TLL2: variants seen among roughly 807,000 people sequenced by gnomAD.
TLL2 encodes the protein tolloid-like protein 2.
TLL2 carries 106 observed loss-of-function variants against 123.0 expected under a neutral mutation model. The observed-to-expected ratio is 0.86, with a 90% CI of 0.74 to 1.01. The LOEUF is 1.01. TLL2 is among the 50% of genes least tolerant of loss of function. TLL2 has a pLI of 0.00. For synonymous variants in TLL2, 494 were observed against 516.8 expected (o/e 0.96, Z 0.60); for missense variants, 1,332 against 1,336.7 (o/e 1.00, Z 0.06).
In TLL2 at chr10:96,376,582, G is replaced by A. The variant is rs1445476379; in HGVS notation, c.2448+110C>T. ...GATAATGAAACTGAGACCTGGAAAT[G>A]TTGAGTAACTTCCAAGTTACAGAGC... On this transcript the variant is annotated intron_variant, in intron 18 of 20. Transcript: ENST00000357947. 2.5e-6 allele frequency: 3 copies of A among 1,202,482 alleles called. No homozygotes were observed. The African/African-American group carries it at 4.7e-5, about 19-fold the overall frequency. The allele number at this position is 1,202,482 out of a possible 1,614,324, so 74.5% of individuals were successfully genotyped here.
intron 3 of TLL2, among the ~76,000 whole-genome samples, chr10:96,439,859 CT>C (rs1564907724): frequency 6.6e-6 from 1 of 152,214 alleles, no homozygotes; most frequent in African/African-American, 2.4e-5. Context: ...GGCCTGGACA[CT>C]TTTGGCCCAC....
intron 1 of TLL2, among the ~76,000 whole-genome samples, chr10:96,490,719 G>A (rs1437520930): frequency 6.6e-6 from 1 of 152,172 alleles, no homozygotes; most frequent in Non-Finnish European, 1.5e-5. Context: ...GAAAGGCAAA[G>A]AGAAGACTTT....
At chr10:96,433,636 C>T (rs1421062712) in intron 3 of TLL2, among the ~76,000 whole-genome samples, 1 of 152,154 alleles carries the variant, frequency 6.6e-6, no homozygotes, top group African/African-American at 2.4e-5. Context: ...ATTTCATTCA[C>T]CAGTCAGATA....
Position 96,366,576 on chromosome 10 carries a change from GAC to G in TLL2, c.*1510_*1511del, listed in dbSNP as rs1211847008. 1 of 152,440 alleles carries G rather than the reference GAC, an allele frequency of 6.6e-6. No individual in the cohort carries two copies. The highest frequency in any genetic ancestry group is 2.4e-5 in the African/African-American group (1 of 41,386). 9.4% of individuals were successfully genotyped at this position (152,440 alleles called of 1,614,324 possible). A position where few individuals can be genotyped will look rare whatever the true frequency, so the allele number is the denominator to read the frequency against. ...TTGCTCCCAGCAATCACTTTAATGA[GAC>G]ACAGTCCTCTGGTGCCACATTCTGA... On this transcript the variant is annotated 3_prime_UTR_variant, in exon 21 of 21. Coordinates refer to ENST00000357947, the MANE Select transcript of TLL2 (RefSeq NM_012465.4).
intron 19 of TLL2, among the ~76,000 whole-genome samples, chr10:96,372,924 A>C (rs1846097757): frequency 6.6e-6 from 1 of 152,124 alleles, no homozygotes; most frequent in Non-Finnish European, 1.5e-5. Context: ...TCCTGGGCTC[A>C]AGCAATCCTC....
chr10:96,467,033 G>A (rs1847138618), intron 2 of TLL2, among the ~76,000 whole-genome samples: 2 of 152,300 alleles, frequency 1.3e-5, no homozygotes, highest in South Asian at 4.1e-4. Context: ...TCATTATCAT[G>A]CCCAGTAAGA....
intron 20 of TLL2, among the ~76,000 whole-genome samples, chr10:96,369,000 A>G (rs1846053585): frequency 6.6e-6 from 1 of 152,244 alleles, no homozygotes. Context: ...AGATGAAGGG[A>G]ATTATTCAAA....
intron 2 of TLL2, among the ~76,000 whole-genome samples, chr10:96,471,831 G>A (rs1432138669): frequency 6.6e-6 from 1 of 152,096 alleles, no homozygotes; most frequent in African/African-American, 2.4e-5. Context: ...AGACAGGACT[G>A]GGGTCAGAAT....
intron 10 of TLL2, 28 bp from the exon 11 acceptor site, chr10:96,397,330 G>A: frequency 2.5e-6 from 4 of 1,579,684 alleles, no homozygotes; most frequent in Non-Finnish European, 3.5e-6. Flanking sequence ...AAGCAGTTAG[G>A]AGCCCTGGGG....
chr10:96,475,078 T>A (rs1290750933), intron 2 of TLL2, among the ~76,000 whole-genome samples: 1 of 152,202 alleles, frequency 6.6e-6, no homozygotes, highest in Non-Finnish European at 1.5e-5. Flanking sequence ...CAAATAAGAT[T>A]ACATTCTGAG....
intron 1 of TLL2, among the ~76,000 whole-genome samples, chr10:96,482,454 C>T (rs1364268759): frequency 6.6e-6 from 1 of 152,144 alleles, no homozygotes; most frequent in Non-Finnish European, 1.5e-5. Context: ...AATGGATGAA[C>T]ACAACGTGGC....
intron 4 of TLL2, among the ~76,000 whole-genome samples, chr10:96,429,066 G>C (rs1369445826): frequency 1.3e-5 from 2 of 152,032 alleles, no homozygotes. Context: ...GCCTCCCAAA[G>C]TGCTGGGATT....
intron 2 of TLL2, among the ~76,000 whole-genome samples, chr10:96,464,889 C>T (rs1564912508): frequency 6.6e-6 from 1 of 152,218 alleles, no homozygotes; most frequent in Non-Finnish European, 1.5e-5. Context: ...GGGTTGCCTA[C>T]ACTCAGGGAT....
intron 1 of TLL2, among the ~76,000 whole-genome samples, chr10:96,492,008 G>A (rs181553845): frequency 1.3e-5 from 2 of 152,242 alleles, no homozygotes; most frequent in East Asian, 3.9e-4. Context: ...ACCATGATCT[G>A]AGCCTTGCAG....
At chr10:96,457,844 A>C (rs1312813391) in intron 2 of TLL2, among the ~76,000 whole-genome samples, 1 of 152,212 alleles carries the variant, frequency 6.6e-6, no homozygotes, top group Non-Finnish European at 1.5e-5. Flanking sequence ...TAAAAGCCTA[A>C]GAGGAAGATT....
chr10:96,485,257 A>T (rs926427464), intron 1 of TLL2, among the ~76,000 whole-genome samples: 2 of 152,246 alleles, frequency 1.3e-5, no homozygotes, highest in Non-Finnish European at 2.9e-5. Flanking sequence ...AAGCATGAGC[A>T]ACAAAAGAAA....
chr10:96,386,957 A>T lies in TLL2; in HGVS notation c.1848T>A (p.Cys616Ter). The change falls in exon 14 of 21, where the codon TGT (cysteine) becomes TGA (stop). Residue 616 changes from cysteine to a stop codon, truncating the protein, a stop_gained. Coordinates refer to ENST00000357947, the MANE Select transcript of TLL2 (RefSeq NM_012465.4). LOFTEE classifies it high-confidence loss of function. Reference protein sequence around the residue: ...GYELAADKKMCEVACGGFITK... With the variant: ...GYELAADKKM Reference sequence around the variant, plus strand: ...CTTGGCAGGTCCCACACCAACCTTCACACATCTTCTTATCGGCGGCCAGCT... The same window carrying T: ...CTTGGCAGGTCCCACACCAACCTTCTCACATCTTCTTATCGGCGGCCAGCT... 6.2e-7 allele frequency: 1 copy of T among 1,614,026 alleles called. No homozygotes were observed. The highest frequency in any genetic ancestry group is 8.5e-7 in the Non-Finnish European group (1 of 1,179,990).
chr10:96,489,352 C>A (rs1183852981), intron 1 of TLL2, among the ~76,000 whole-genome samples: 2 of 152,138 alleles, frequency 1.3e-5, no homozygotes, highest in East Asian at 3.9e-4. Context: ...CAACGTGAGA[C>A]CCCTGTCTCT....
intron 1 of TLL2, among the ~76,000 whole-genome samples, chr10:96,507,695 G>T (rs921060770): frequency 1.3e-5 from 2 of 152,136 alleles, no homozygotes; most frequent in African/African-American, 2.4e-5. Flanking sequence ...TGAGGCTCAG[G>T]GAAGTTGAGT....
Sources: gnomAD v4.1 joint callset for allele counts (sites outside exome capture counted in the v4.1 genomes callset) on GRCh38, gnomAD v4.1.1 for gene constraint, MANE v1.5 for transcripts, NCBI Gene and HGNC (gene_info 2026-07-23, HGNC 2026-07-21) for gene names.